CNTNAP2: variants seen among roughly 807,000 people sequenced by gnomAD.
CNTNAP2 encodes contactin-associated protein-like 2.
CNTNAP2 carries 98 observed loss-of-function variants against 155.2 expected under a neutral mutation model. The observed-to-expected ratio is 0.63, with a 90% CI of 0.54 to 0.75. The LOEUF is 0.75. Ranked by LOEUF, CNTNAP2 falls within the 30% of genes least tolerant of loss-of-function variation. The pLI is 0.00. For missense variants in CNTNAP2, 1,727 were observed against 1,688.1 expected (o/e 1.02, Z -0.40); for synonymous variants, 651 against 631.2 (o/e 1.03, Z -0.47).
In CNTNAP2 at chr7:148,052,052, T is replaced by C. The variant is rs187872404; in HGVS notation, c.2384-66066T>C. On this transcript the variant is annotated intron_variant, in intron 15 of 23. Transcript: ENST00000361727. ...TGCTCGGGAGGCTGAGGCAGGAGAA[T>C]GGGGTGAACCCAGGAGGCGGAGCTT... Among the ~76,000 whole-genome samples, 478 of 146,542 alleles carry C rather than the reference T, an allele frequency of 3.3e-3. 1 individual carries two copies. Among genetic ancestry groups the C allele is most frequent in the Non-Finnish European group, 5.5e-3 (373 of 67,474 alleles).
intron 13 of CNTNAP2, among the ~76,000 whole-genome samples, chr7:147,865,931 G>T (rs1799218659): frequency 6.6e-6 from 1 of 151,934 alleles, no homozygotes; most frequent in Non-Finnish European, 1.5e-5. Context: ...TTTCAGTTCT[G>T]CTCTGATCTT....
chr7:146,397,386 G>A (rs989739571), intron 1 of CNTNAP2, among the ~76,000 whole-genome samples: 3 of 152,170 alleles, frequency 2.0e-5, no homozygotes, highest in African/African-American at 7.2e-5. Flanking sequence ...GGAGGCTATT[G>A]TTGATTGCCT....
At chr7:146,380,735 T>C (rs1795369644) in intron 1 of CNTNAP2, among the ~76,000 whole-genome samples, 1 of 150,774 alleles carries the variant, frequency 6.6e-6, no homozygotes, top group East Asian at 1.9e-4. Context: ...TAAGTACATA[T>C]GTTACTAACT....
At chr7:146,703,228 A>G (rs1563195472) in intron 1 of CNTNAP2, among the ~76,000 whole-genome samples, 1 of 152,128 alleles carries the variant, frequency 6.6e-6, no homozygotes, top group Admixed American at 6.6e-5. Flanking sequence ...CTAAACTGAA[A>G]TAAACCATGT....
chr7:148,364,591 A>G (rs1029766409), intron 21 of CNTNAP2, among the ~76,000 whole-genome samples: 2 of 152,160 alleles, frequency 1.3e-5, no homozygotes, highest in African/African-American at 4.8e-5. Flanking sequence ...CTCTGTATCT[A>G]GCTGCTCTGG....
chr7:148,196,569 G>A (rs1294205418), intron 18 of CNTNAP2, among the ~76,000 whole-genome samples: 2 of 152,312 alleles, frequency 1.3e-5, no homozygotes, highest in South Asian at 2.1e-4. Context: ...CACTTTCTAA[G>A]TGTATTAATT....
chr7:147,100,684 T>A (rs1297520983), intron 4 of CNTNAP2, among the ~76,000 whole-genome samples: 1 of 152,284 alleles, frequency 6.6e-6, no homozygotes, highest in East Asian at 1.9e-4. Context: ...AAATCTGTAC[T>A]CTTAGAAAGT....
intron 20 of CNTNAP2, among the ~76,000 whole-genome samples, chr7:148,264,895 A>T (rs1308733251): frequency 6.6e-6 from 1 of 151,934 alleles, no homozygotes; most frequent in Non-Finnish European, 1.5e-5. Flanking sequence ...GGGTTTCATC[A>T]TGTTGGCCAG....
At chr7:146,751,871 C>A (rs528319768) in intron 1 of CNTNAP2, among the ~76,000 whole-genome samples, 1 of 152,034 alleles carries the variant, frequency 6.6e-6, no homozygotes, top group Admixed American at 6.6e-5. Context: ...TGACAACATG[C>A]AGTGTTTGGT....
At chr7:147,121,346 T>A (rs1563083976) in intron 6 of CNTNAP2, 183 bp downstream of exon 6, 3 of 596,628 alleles carry the variant, frequency 5.0e-6, no homozygotes, top group Non-Finnish European at 8.6e-6. Flanking sequence ...TTTATAATCA[T>A]GAGTACTTGA....
At chr7:147,448,752 T>C (rs1387806953) in intron 10 of CNTNAP2, among the ~76,000 whole-genome samples, 2 of 152,088 alleles carry the variant, frequency 1.3e-5, no homozygotes, top group African/African-American at 4.8e-5. Flanking sequence ...AAATTTATAC[T>C]TATGAAAATT....
chr7:147,220,719 T>A (rs1425391723), intron 8 of CNTNAP2, among the ~76,000 whole-genome samples: 3 of 152,166 alleles, frequency 2.0e-5, no homozygotes, highest in Non-Finnish European at 2.9e-5. Context: ...TCTTTTTTTT[T>A]ATTTTTATTT....
chr7:147,237,028 T>A (rs1803821397), intron 8 of CNTNAP2, among the ~76,000 whole-genome samples: 1 of 148,038 alleles, frequency 6.8e-6, no homozygotes. Flanking sequence ...ATCATGCCAC[T>A]TCCTTTAGCC....
At chr7:147,813,065 G>A (rs1415457965) in intron 13 of CNTNAP2, among the ~76,000 whole-genome samples, 1 of 151,330 alleles carries the variant, frequency 6.6e-6, no homozygotes, top group Non-Finnish European at 1.5e-5. Context: ...ATCCTTGGTT[G>A]ATGCTAAAAA....
intron 13 of CNTNAP2, among the ~76,000 whole-genome samples, chr7:147,732,181 T>TCCCCCCCCCCCC (rs199519152): frequency 1.6e-3 from 172 of 108,532 alleles, no homozygotes; most frequent in East Asian, 2.1e-3. Context: ...ATGCTATCCC[T>TCCCCCCCCCCCC]CCCCCCCCCA....
At chr7:148,297,368 T>C (rs546298698) in intron 21 of CNTNAP2, among the ~76,000 whole-genome samples, 1 of 152,294 alleles carries the variant, frequency 6.6e-6, no homozygotes, top group South Asian at 2.1e-4. Context: ...TCCAAGACTG[T>C]AGGGCTCACA....
chr7:146,242,740 GC>G (rs1379520994), intron 1 of CNTNAP2, among the ~76,000 whole-genome samples: 8 of 151,978 alleles, frequency 5.3e-5, no homozygotes, highest in Non-Finnish European at 7.4e-5. Context: ...CAGTGTATTA[GC>G]CCATCCTAAA....
intron 1 of CNTNAP2, among the ~76,000 whole-genome samples, chr7:146,227,003 G>GTATATATTAAATATATACT (rs1562997487): frequency 6.6e-6 from 1 of 152,072 alleles, no homozygotes; most frequent in Non-Finnish European, 1.5e-5. Context: ...CTAAATGAAT[G>GTATATATTAAATATATACT]AAAAAGGCAG....
chr7:146,173,608 G>A (rs1798426295), intron 1 of CNTNAP2, among the ~76,000 whole-genome samples: 1 of 152,062 alleles, frequency 6.6e-6, no homozygotes, highest in Non-Finnish European at 1.5e-5. Flanking sequence ...GCCCCTTAAA[G>A]TTTCTATTGC....
Sources: allele counts gnomAD v4.1 joint callset (sites outside exome capture counted in the v4.1 genomes callset), GRCh38; gene constraint gnomAD v4.1.1; transcripts MANE v1.5; gene names NCBI Gene and HGNC (gene_info 2026-07-23, HGNC 2026-07-21).